Variants in ZFR2 observed in about 807,000 individuals in gnomAD.
ZFR2 encodes zinc finger RNA binding protein 2, also known as zinc finger RNA-binding protein 2.
Under a neutral mutation model 105.7 loss-of-function variants are expected in ZFR2, and 104 were observed. The observed-to-expected ratio is 0.98, with a 90% CI of 0.84 to 1.16. The LOEUF (loss-of-function observed/expected upper bound fraction) is 1.16. ZFR2 is among the 50% of genes most tolerant of loss of function. ZFR2 has a pLI of 0.00. For missense variants in ZFR2, 1,425 were observed against 1,355.5 expected, an observed-to-expected ratio of 1.05 and a Z score of -0.80; for synonymous variants, 634 against 597.7, an observed-to-expected ratio of 1.06 and a Z score of -0.89.
At chr19:3,851,954 T>C (rs1403974394) in intron 1 of ZFR2, 1 of 202,524 alleles carries the variant, frequency 4.9e-6, no homozygotes, top group Non-Finnish European at 1.0e-5. Flanking sequence ...ATTTACTATG[T>C]GGCTTTTTAC....
chr19:3,831,060 C>T (rs1420190161), intron 5 of ZFR2, among the ~76,000 whole-genome samples: 1 of 152,150 alleles, frequency 6.6e-6, no homozygotes, highest in African/African-American at 2.4e-5. Flanking sequence ...CATGCACACT[C>T]ACGTTTGCAC....
intron 5 of ZFR2, 89 bp from the exon 6 acceptor site, chr19:3,827,742 G>A: frequency 1.4e-6 from 2 of 1,457,790 alleles, no homozygotes; most frequent in Non-Finnish European, 1.9e-6. Flanking sequence ...TAGCGCGAGG[G>A]AACTCGGTGG....
intron 17 of ZFR2, among the ~76,000 whole-genome samples, chr19:3,808,366 A>C (rs920171417): frequency 1.3e-5 from 2 of 152,198 alleles, no homozygotes; most frequent in Admixed American, 1.3e-4. Flanking sequence ...ACTAAAAATG[A>C]CTCGAAAACA....
At chr19:3,867,308 G>GGGGT (rs1555762893) in intron 1 of ZFR2, among the ~76,000 whole-genome samples, 1 of 151,488 alleles carries the variant, frequency 6.6e-6, no homozygotes, top group African/African-American at 2.4e-5. Context: ...AACTGTTGGG[G>GGGGT]GGGGAATCTG....
At chr19:3,857,510 G>A (rs1019758241) in intron 1 of ZFR2, among the ~76,000 whole-genome samples, 1 of 141,158 alleles carries the variant, frequency 7.1e-6, no homozygotes, top group Admixed American at 7.5e-5. Flanking sequence ...TTCGAGACCA[G>A]CCTGGCCAAC....
At position 3,812,093 on chromosome 19, in the gene ZFR2, G is replaced by A. The variant is rs192750767; in HGVS notation, c.2243-727C>T. ...TGAGTAGCTGGGATTACCGGCGCACGCCACCACGCCCAGCTAATTTTTATA... is the reference window on the plus strand; with the variant it reads ...TGAGTAGCTGGGATTACCGGCGCACACCACCACGCCCAGCTAATTTTTATA... On this transcript the variant is annotated intron_variant, in intron 14 of 18. Transcript: ENST00000262961. Among the ~76,000 whole-genome samples the A allele has an allele frequency of 3.1e-3, 467 of 152,016 alleles. 2 individuals carry two copies. The highest frequency in any genetic ancestry group is 4.2e-3 in the Non-Finnish European group (284 of 67,980).
chr19:3,867,428 A>G lies in ZFR2; in HGVS notation c.53+1537T>C, dbSNP rs562189727. ...CTCCGAGGAGCAGGCCTGGGAGAAC[A>G]GTGTAGAGTGTGTGTTTGTACACTT... On this transcript the variant is annotated intron_variant, in intron 1 of 18. Coordinates refer to ENST00000262961, the MANE Select transcript of ZFR2 (RefSeq NM_015174.2). 1.3e-4 allele frequency among the ~76,000 whole-genome samples: 20 copies of G among 152,098 alleles called. No individual in the cohort carries two copies. In the South Asian group the frequency reaches 3.9e-3, roughly 30 times the overall value.
intron 10 of ZFR2, among the ~76,000 whole-genome samples, chr19:3,820,535 T>C (rs1305338123): frequency 6.6e-6 from 1 of 152,080 alleles, no homozygotes; most frequent in Non-Finnish European, 1.5e-5. Flanking sequence ...AGCCATGGCC[T>C]TCAGGAGGTC....
chr19:3,819,454 G>A (rs1428702383), intron 11 of ZFR2, among the ~76,000 whole-genome samples: 6 of 152,204 alleles, frequency 3.9e-5, no homozygotes, highest in Admixed American at 6.5e-5. Context: ...TCTGAGTGAA[G>A]GAATGGGGGG....
intron 1 of ZFR2, among the ~76,000 whole-genome samples, chr19:3,841,080 C>T (rs1290832192): frequency 6.6e-6 from 1 of 152,016 alleles, no homozygotes; most frequent in Non-Finnish European, 1.5e-5. Context: ...GAGACCCAGG[C>T]CCCATCTCTG....
intron 1 of ZFR2, among the ~76,000 whole-genome samples, chr19:3,860,637 C>T (rs768512894): frequency 6.6e-6 from 1 of 152,192 alleles, no homozygotes; most frequent in Non-Finnish European, 1.5e-5. Context: ...TGCTTGAGAA[C>T]ACCAACTTGA....
At chr19:3,845,734 G>A (rs1250743225) in intron 1 of ZFR2, among the ~76,000 whole-genome samples, 3 of 152,070 alleles carry the variant, frequency 2.0e-5, no homozygotes, top group Non-Finnish European at 4.4e-5. Context: ...GGTCAAGGCT[G>A]CAGTGAGCCA....
intron 12 of ZFR2, among the ~76,000 whole-genome samples, chr19:3,817,711 G>A (rs918613893): frequency 2.1e-5 from 3 of 142,120 alleles, no homozygotes; most frequent in South Asian, 2.2e-4. Flanking sequence ...AGCCGAGATC[G>A]CACCACTGCA....
At chr19:3,850,082 G>A (rs2038221686) in intron 1 of ZFR2, among the ~76,000 whole-genome samples, 1 of 152,156 alleles carries the variant, frequency 6.6e-6, no homozygotes, top group Non-Finnish European at 1.5e-5. Flanking sequence ...CTGATGGCAG[G>A]AATGGAGTGC....
Position 3,834,240 on chromosome 19 carries a change from G to T in ZFR2, c.265-462C>A, listed in dbSNP as rs1279235685. 3.3e-5 allele frequency among the ~76,000 whole-genome samples: 5 copies of T among 152,126 alleles called. No individual in the cohort carries two copies. The highest frequency in any genetic ancestry group is 2.6e-4 in the Admixed American group (4 of 15,280). ...GGGAAATTGGAGCATGGTCACGGGG[G>T]ACATCTTTGCGACACCAAGTGGGAA... On this transcript the variant is annotated intron_variant, in intron 2 of 18. Coordinates refer to ENST00000262961, the MANE Select transcript of ZFR2 (RefSeq NM_015174.2). This position sits in a 1 kb window ranked among gnomAD's most constrained non-coding sequence, Gnocchi z 5.3.
At chr19:3,814,394 C>A (rs4807514) in intron 13 of ZFR2, among the ~76,000 whole-genome samples, 87,457 of 152,034 alleles carry the variant, frequency 0.58, 25,477 homozygotes, top group East Asian at 0.78. Flanking sequence ...CTCCTGTGAG[C>A]AGGACATAGC....
chr19:3,811,691 G>T (rs2037766867), intron 14 of ZFR2, among the ~76,000 whole-genome samples: 1 of 152,086 alleles, frequency 6.6e-6, no homozygotes, highest in Admixed American at 6.6e-5. Flanking sequence ...TTGACCTCAG[G>T]TGATCCTCCC....
chr19:3,810,707 TG>T (rs2037753380), intron 16 of ZFR2, 42 bp downstream of exon 16: 3 of 1,527,598 alleles, frequency 2.0e-6, no homozygotes, highest in African/African-American at 1.4e-5. Context: ...TGGAGGCCCT[TG>T]GGGGTCCCAG....
At chr19:3,810,252 G>A (rs969899656) in intron 16 of ZFR2, among the ~76,000 whole-genome samples, 11 of 152,224 alleles carry the variant, frequency 7.2e-5, no homozygotes, top group African/African-American at 1.4e-4. Flanking sequence ...GGTCTCCGTG[G>A]GGAGCGTGGG....
Sources: allele counts gnomAD v4.1 joint callset (sites outside exome capture counted in the v4.1 genomes callset), GRCh38; gene constraint gnomAD v4.1.1; non-coding constraint Gnocchi (gnomAD v3.1); transcripts MANE v1.5; gene names NCBI Gene and HGNC (gene_info 2026-07-23, HGNC 2026-07-21).